The following PALB2 variants were observed in gnomAD, a reference collection of about 807,000 sequenced individuals.
PALB2 encodes the protein mutant partner and localizer of BRCA2.
PALB2 carries 82 observed loss-of-function variants against 107.4 expected under a neutral mutation model. The ratio of observed to expected loss-of-function variants is 0.76; its 90% CI spans 0.64 to 0.92. The LOEUF (loss-of-function observed/expected upper bound fraction) is 0.92, where lower values mean the gene tolerates loss of function less well. Among genes scored for constraint, PALB2 ranks in the 40% least tolerant of loss-of-function variants. The pLI is 0.00. For synonymous variants in PALB2, 489 were observed against 496.8 expected, an observed-to-expected ratio of 0.98 and a Z score of 0.21; for missense variants, 1,374 against 1,379.9, an observed-to-expected ratio of 1.00 and a Z score of 0.07.
intron 11 of PALB2, among the ~76,000 whole-genome samples, chr16:23,613,601 G>A (rs755044331): frequency 7.9e-5 from 12 of 151,302 alleles, no homozygotes; most frequent in African/African-American, 2.2e-4. Flanking sequence ...CTGAGATCGC[G>A]CCATTGCACT....
intron 7 of PALB2, among the ~76,000 whole-genome samples, chr16:23,624,833 T>C (rs1472575484): frequency 6.6e-6 from 1 of 152,078 alleles, no homozygotes; most frequent in African/African-American, 2.4e-5. Context: ...ATATGTATGG[T>C]GAGAAAAGAC....
chr16:23,620,768 ATC>A (rs1966758125), intron 10 of PALB2, among the ~76,000 whole-genome samples: 2 of 152,120 alleles, frequency 1.3e-5, no homozygotes, highest in Admixed American at 1.3e-4. Flanking sequence ...AGTATATAGT[ATC>A]TGACAAAAAA....
At position 23,641,275 on chromosome 16, in the gene PALB2, G is replaced by A; in HGVS notation, c.-118C>T. 2.2e-6 allele frequency: 3 copies of A among 1,342,382 alleles called. No individual in the cohort carries two copies. Among genetic ancestry groups the A allele is most frequent in the Non-Finnish European group, 2.1e-6 (2 of 964,520 alleles). 83.2% of individuals were successfully genotyped at this position (1,342,382 alleles called of 1,614,324 possible). ...AGGAAGGAATGGGGAGCCCGGGATC[G>A]CACCCTCAGTGCGCGATCAGCTGAC... On this transcript the variant is annotated 5_prime_UTR_variant, in exon 1 of 13. Transcript: ENST00000261584.
Position 23,635,164 on chromosome 16 carries a change from C to T in PALB2, c.1382G>A (p.Ser461Asn), listed in dbSNP as rs1966972801. Residue 461 changes from serine to asparagine, a missense_variant, in exon 4 of 13, where the codon AGT becomes AAT. By Grantham distance (46) the Ser-to-Asn change is conservative. Transcript: ENST00000261584. ...LNLSNEETDQSEIRMSGTCTG... is the reference protein window; with the variant it reads ...LNLSNEETDQNEIRMSGTCTG... ...GCATGTGCCAGACATCCTAATTTCACTTTGGTCAGTTTCCTCATTGGAAAG... is the reference window on the plus strand; with the variant it reads ...GCATGTGCCAGACATCCTAATTTCATTTTGGTCAGTTTCCTCATTGGAAAG... The T allele has an allele frequency of 6.2e-7, 1 of 1,614,192 alleles. No individual in the cohort carries two copies. The highest frequency in any genetic ancestry group is 8.5e-7 in the Non-Finnish European group (1 of 1,180,044).
intron 7 of PALB2, among the ~76,000 whole-genome samples, chr16:23,624,391 T>C (rs564261006): frequency 7.9e-5 from 12 of 152,374 alleles, no homozygotes; most frequent in African/African-American, 2.9e-4. Context: ...CATTTAAAAG[T>C]ATATCTATGT....
chr16:23,610,506 A>G (rs1435306706), intron 11 of PALB2, among the ~76,000 whole-genome samples: 2 of 151,294 alleles, frequency 1.3e-5, no homozygotes, highest in African/African-American at 4.9e-5. Context: ...ACGGAGTTTC[A>G]CCATGTTGGC....
intron 10 of PALB2, among the ~76,000 whole-genome samples, chr16:23,619,108 T>C (rs1279473923): frequency 1.3e-5 from 2 of 152,246 alleles, no homozygotes; most frequent in African/African-American, 2.4e-5. Flanking sequence ...GCTAGGGTAG[T>C]GGTCACACTA....
intron 8 of PALB2, 22 bp from the exon 9 acceptor site, chr16:23,623,152 A>AT (rs762699642): frequency 6.2e-7 from 1 of 1,605,266 alleles, no homozygotes; most frequent in Non-Finnish European, 8.5e-7. Context: ...ATAAGGAAAA[A>AT]TGGGGTGATG....
chr16:23,608,406 C>A (rs1350494126), intron 11 of PALB2, among the ~76,000 whole-genome samples: 1 of 152,118 alleles, frequency 6.6e-6, no homozygotes, highest in Non-Finnish European at 1.5e-5. Context: ...TTGTTTTAGC[C>A]AGTCTTGCCA....
chr16:23,615,149 A>G (rs1165520390), intron 10 of PALB2, among the ~76,000 whole-genome samples: 1 of 147,350 alleles, frequency 6.8e-6, no homozygotes, highest in African/African-American at 2.5e-5. Flanking sequence ...GGGTTTCACC[A>G]GGTTGGCCAG....
intron 1 of PALB2, 134 bp downstream of exon 1, chr16:23,640,976 C>T (rs1016313749): frequency 6.4e-5 from 62 of 965,492 alleles, no homozygotes; most frequent in Non-Finnish European, 8.9e-5. Flanking sequence ...TTTTCTGTGC[C>T]CCCTCAGCCC....
intron 11 of PALB2, among the ~76,000 whole-genome samples, chr16:23,611,798 G>A (rs1379535600): frequency 6.6e-6 from 1 of 152,156 alleles, no homozygotes; most frequent in Non-Finnish European, 1.5e-5. Context: ...CTATCGCCCA[G>A]GCTGGAGTAC....
chr16:23,606,809 C>T (rs1015215875), intron 12 of PALB2, among the ~76,000 whole-genome samples: 1 of 149,238 alleles, frequency 6.7e-6, no homozygotes, highest in Non-Finnish European at 1.5e-5. Context: ...AGGCGTGAGC[C>T]ACTGCACCCT....
chr16:23,608,914 G>A (rs1312742319), intron 11 of PALB2, among the ~76,000 whole-genome samples: 2 of 150,808 alleles, frequency 1.3e-5, no homozygotes, highest in Non-Finnish European at 2.9e-5. Flanking sequence ...TGCAACCTCC[G>A]CCTCCCAGGT....
At position 23,641,245 on chromosome 16, in the gene PALB2, G is replaced by A. The variant is rs1471091819; in HGVS notation, c.-88C>T. 7 of 1,519,084 alleles carry A rather than the reference G, an allele frequency of 4.6e-6. No homozygotes were observed. Among genetic ancestry groups the A allele is most frequent in the Admixed American group, 1.9e-5 (1 of 52,302 alleles). 94.1% of individuals were successfully genotyped at this position (1,519,084 alleles called of 1,614,324 possible). The stretch of plus-strand genomic sequence containing the variant: ...CCAGTTGGCCCTGGGCCGGGGAGGC[G>A]CCCCAGGAAGGAATGGGGAGCCCGG... On this transcript the variant is annotated 5_prime_UTR_variant, in exon 1 of 13. Transcript: ENST00000261584.
rs2142379132 is a variant in PALB2 at position 23,629,981 on chromosome 16, A to G, written c.2173T>C (p.Ser725Pro). The stretch of plus-strand genomic sequence containing the variant: ...GTACCTAAGATGGGGAAAGCAGGTG[A>G]ACACATGTCTGTGGTAGGCCTGTCA... ...DNDRPTTDMC[S>P]PAFPILGTTP... Residue 725 changes from serine (S) to proline (P), a missense_variant, in exon 5 of 13, where the codon TCA (serine) becomes CCA (proline). Transcript: ENST00000261584. The G allele has an allele frequency of 6.2e-7, 1 of 1,614,216 alleles. No homozygotes were observed. Among genetic ancestry groups the G allele is most frequent in the Non-Finnish European group, 8.5e-7 (1 of 1,180,038 alleles).
At position 23,603,592 on chromosome 16, in the gene PALB2, A is replaced by T. The variant is rs62625284; in HGVS notation, c.3428T>A (p.Leu1143His). The change falls in exon 13 of 13, where the codon CTT becomes CAT. Residue 1143 changes from leucine (L) to histidine (H), a missense_variant. By Grantham distance (99) the Leu-to-His change is moderately conservative. Transcript: ENST00000261584. ...TSGTIAIWDL[L>H]LGQCTALLPP... is the part of the protein sequence containing the mutation. Reference sequence around the variant, plus strand: ...GAGGAGGGCAGTACACTGACCGAGAAGTAAGTCCCAAATGGCAATTGTTCC... The same window carrying T: ...GAGGAGGGCAGTACACTGACCGAGATGTAAGTCCCAAATGGCAATTGTTCC... 234 of 1,614,046 alleles carry T rather than the reference A, an allele frequency of 1.4e-4. 1 individual carries two copies. In the Middle Eastern group the frequency reaches 2.0e-3, roughly 14 times the overall value.
At position 23,603,513 on chromosome 16, in the gene PALB2, A is replaced by G. The variant is rs761947933; in HGVS notation, c.3507T>C (p.Ser1169=). 6.2e-7 allele frequency: 1 copy of G among 1,614,168 alleles called. No individual in the cohort carries two copies. The highest frequency in any genetic ancestry group is 1.1e-5 in the South Asian group (1 of 91,086). Reference sequence around the variant, plus strand: ...CATCTTTTTGTCCAGCCAGCAAATGAGAGTCTGTACCCGACCATTTCACAA... The same window carrying G: ...CATCTTTTTGTCCAGCCAGCAAATGGGAGTCTGTACCCGACCATTTCACAA... ...WSFVKWSGTD[S]HLLAGQKDGN... is the part of the protein sequence containing the mutation. The change falls in exon 13 of 13, where the codon TCT becomes TCC. Residue 1169 remains serine, a synonymous_variant. Transcript: ENST00000261584.
chr16:23,611,448 GTTA>G (rs899503234), intron 11 of PALB2, among the ~76,000 whole-genome samples: 1 of 148,172 alleles, frequency 6.7e-6, no homozygotes, highest in African/African-American at 2.5e-5. Context: ...GCCCAGCCTA[GTTA>G]TTATTATTAT....
Sources: gnomAD v4.1 joint callset for allele counts (sites outside exome capture counted in the v4.1 genomes callset) on GRCh38, gnomAD v4.1.1 for gene constraint, MANE v1.5 for transcripts, NCBI Gene and HGNC (gene_info 2026-07-23, HGNC 2026-07-21) for gene names.